NRG1: variants seen among roughly 807,000 people sequenced by gnomAD.
NRG1 encodes pro-neuregulin-1, membrane-bound isoform.
Under a neutral mutation model 63.8 loss-of-function variants are expected in NRG1, and 18 were observed. The observed-to-expected ratio is 0.28, with a 90% CI of 0.19 to 0.42. The LOEUF is 0.42. Among genes scored for constraint, NRG1 ranks in the 10% least tolerant of loss-of-function variants. The pLI is 1.00. For missense variants in NRG1, 762 were observed against 814.7 expected (o/e 0.94, Z 0.79); for synonymous variants, 302 against 301.3 (o/e 1.00, Z -0.02).
intron 1 of NRG1, among the ~76,000 whole-genome samples, chr8:31,660,283 G>A (rs1330843423): frequency 7.0e-6 from 1 of 142,558 alleles, no homozygotes; most frequent in Non-Finnish European, 1.6e-5. Context: ...TACAGCTGGG[G>A]AGAAAAGACA....
intron 1 of NRG1, among the ~76,000 whole-genome samples, chr8:32,266,310 A>G (rs1850928779): frequency 6.6e-6 from 1 of 152,224 alleles, no homozygotes; most frequent in Non-Finnish European, 1.5e-5. Flanking sequence ...TAATTTTGGA[A>G]GTGAAGCTAC....
chr8:32,298,829 A>C (rs567162709), intron 1 of NRG1, among the ~76,000 whole-genome samples: 15 of 151,586 alleles, frequency 9.9e-5, no homozygotes, highest in Admixed American at 7.9e-4. Flanking sequence ...GAGATCAAGA[A>C]CATCCTGACC....
intron 1 of NRG1, among the ~76,000 whole-genome samples, chr8:31,933,285 G>GC (rs549154417): frequency 7.4e-6 from 1 of 134,474 alleles, no homozygotes; most frequent in Non-Finnish European, 1.5e-5. Flanking sequence ...TATTATCCTC[G>GC]TTTTTTTTTT....
intron 5 of NRG1, chr8:32,721,745 AGCCTGGCTCTGAACCT>A: frequency 1.0e-6 from 1 of 976,632 alleles, no homozygotes; most frequent in Non-Finnish European, 1.3e-6. Flanking sequence ...CGTGGTTCTG[AGCCTGGCTCTGAACCT>A]TTCCTTTGGA....
intron 1 of NRG1, among the ~76,000 whole-genome samples, chr8:31,755,300 A>G (rs4733272): frequency 0.22 from 32,726 of 152,112 alleles, 4,735 homozygotes; most frequent in East Asian, 0.66. Flanking sequence ...ACCCCAACAT[A>G]TAACGTCTTG....
At chr8:32,308,089 G>T (rs1856423560) in intron 1 of NRG1, among the ~76,000 whole-genome samples, 1 of 152,092 alleles carries the variant, frequency 6.6e-6, no homozygotes, top group African/African-American at 2.4e-5. Flanking sequence ...TTTCTTTCTA[G>T]GGTGTCTCTG....
At chr8:32,124,688 A>G (rs563016033) in intron 1 of NRG1, among the ~76,000 whole-genome samples, 2 of 151,858 alleles carry the variant, frequency 1.3e-5, no homozygotes, top group Admixed American at 1.3e-4. Context: ...CCTATTTTCA[A>G]TGTCCCCCAT....
At chr8:31,859,784 T>G (rs913724511) in intron 1 of NRG1, among the ~76,000 whole-genome samples, 7 of 152,262 alleles carry the variant, frequency 4.6e-5, no homozygotes, top group Non-Finnish European at 7.3e-5. Flanking sequence ...GCTAATTGTC[T>G]TTATTCTAGC....
chr8:32,269,072 T>A (rs1253675848), intron 1 of NRG1, among the ~76,000 whole-genome samples: 1 of 152,018 alleles, frequency 6.6e-6, no homozygotes, highest in Non-Finnish European at 1.5e-5. Flanking sequence ...TTCCCTCTCT[T>A]TTCCTCTCTC....
rs114775305 is a variant in NRG1 at position 32,248,106 on chromosome 8, G to A, written c.38-347722G>A. Among the ~76,000 whole-genome samples, 427 of 152,126 alleles carry A rather than the reference G, an allele frequency of 2.8e-3. 2 individuals are homozygous for A. The highest frequency in any genetic ancestry group is 9.9e-3 in the African/African-American group (412 of 41,540). On this transcript the variant is annotated intron_variant, in intron 1 of 10. Transcript: ENST00000519301. ...ATTAACAACTAGCTATATGACTTCA[G>A]AATAAAATGACTCTATTTTTTTCTT...
chr8:32,636,477 G>A (rs1342394363), intron 5 of NRG1, among the ~76,000 whole-genome samples: 7 of 152,148 alleles, frequency 4.6e-5, no homozygotes, highest in African/African-American at 1.4e-4. Context: ...TGGCCTTAGG[G>A]TCCACTGACC....
At chr8:32,539,172 G>C (rs2129520424) in intron 1 of NRG1, among the ~76,000 whole-genome samples, 1 of 152,314 alleles carries the variant, frequency 6.6e-6, no homozygotes, top group Middle Eastern at 3.4e-3. Flanking sequence ...AATGAGATTG[G>C]AAAGGACCTG....
chr8:32,185,650 G>T (rs556853103), intron 1 of NRG1, among the ~76,000 whole-genome samples: 25 of 152,308 alleles, frequency 1.6e-4, no homozygotes, highest in Middle Eastern at 3.4e-3. Context: ...GAAGCTGTAA[G>T]TATAATTCCG....
intron 1 of NRG1, among the ~76,000 whole-genome samples, chr8:32,158,447 T>TTATATA (rs1563852043): frequency 9.9e-5 from 3 of 30,272 alleles, no homozygotes; most frequent in African/African-American, 3.7e-4. Context: ...TTGGTTTACA[T>TTATATA]GATATATATA....
At chr8:31,994,600 A>G (rs1389882833) in intron 1 of NRG1, among the ~76,000 whole-genome samples, 1 of 130,416 alleles carries the variant, frequency 7.7e-6, no homozygotes, top group Non-Finnish European at 1.6e-5. Flanking sequence ...GCTGTAGTGA[A>G]CTATGATTGT....
At chr8:31,911,349 C>G (rs1321030885) in intron 1 of NRG1, among the ~76,000 whole-genome samples, 1 of 152,056 alleles carries the variant, frequency 6.6e-6, no homozygotes, top group Admixed American at 6.6e-5. Context: ...GCTCACCAAC[C>G]GTAGACTGGA....
intron 1 of NRG1, among the ~76,000 whole-genome samples, chr8:32,087,482 C>CTTTTTTTTTTTTTTT (rs67438409): frequency 8.1e-4 from 73 of 90,270 alleles, no homozygotes; most frequent in African/African-American, 8.8e-4. Context: ...TCTTTTCTTT[C>CTTTTTTTTTTTTTTT]TTTTTTTTTT....
chr8:32,229,029 G>A (rs1475108531), intron 1 of NRG1, among the ~76,000 whole-genome samples: 4 of 152,118 alleles, frequency 2.6e-5, no homozygotes, highest in East Asian at 3.9e-4. Context: ...CTCAAAGCAG[G>A]CCTGTGCCAA....
chr8:32,142,098 T>C (rs945351151), intron 1 of NRG1, among the ~76,000 whole-genome samples: 32 of 152,172 alleles, frequency 2.1e-4, no homozygotes, highest in Admixed American at 1.6e-3. Flanking sequence ...GTAAAGACGC[T>C]TATAGCTTGC....
Sources: allele counts gnomAD v4.1 joint callset (sites outside exome capture counted in the v4.1 genomes callset), GRCh38; gene constraint gnomAD v4.1.1; transcripts MANE v1.5; gene names NCBI Gene and HGNC (gene_info 2026-07-23, HGNC 2026-07-21).